OR6C68: variants seen among roughly 807,000 people sequenced by gnomAD.
The protein encoded by OR6C68 is olfactory receptor 6C68.
For synonymous variants in OR6C68, 161 were observed against 129.8 expected, an observed-to-expected ratio of 1.24 and a Z score of -1.63; for missense variants, 440 against 368.5, an observed-to-expected ratio of 1.19 and a Z score of -1.59.
Position 55,493,266 on chromosome 12 carries a change from C to T in OR6C68, c.889C>T (p.Gln297Ter), listed in dbSNP as rs750206001. 9 of 1,597,416 alleles carry T rather than the reference C, an allele frequency of 5.6e-6. No homozygotes were observed. The highest frequency in any genetic ancestry group is 6.8e-6 in the Non-Finnish European group (8 of 1,175,146). Reference protein sequence around the residue: ...IYTLRNEQVKQAFHDSLKKIA... With the variant: ...IYTLRNEQVK ...TACTCTTAGGAATGAGCAAGTTAAA[C>T]AAGCCTTTCATGACTCACTCAAAAA... The change falls in exon 1 of 1, where the codon CAA becomes TAA. Residue 297 changes from glutamine (Q) to a stop codon, truncating the protein, a stop_gained. Coordinates refer to ENST00000548615, the MANE Select transcript of OR6C68 (RefSeq NM_001005519.2). LOFTEE classifies it low-confidence loss of function (END_TRUNC).
chr12:55,493,163 A>C lies in OR6C68; in HGVS notation c.786A>C (p.Ala262=), dbSNP rs1565703400. The change falls in exon 1 of 1, where the codon GCA becomes GCC. Residue 262 remains alanine, a synonymous_variant. Transcript: ENST00000548615. ...SCIFIYIKPS[A]KEEVNINKGV... ...TCTTCATCTATATCAAGCCATCTGC[A>C]AAAGAAGAGGTAAACATTAATAAAG... The C allele has an allele frequency of 6.2e-7, 1 of 1,613,946 alleles. No homozygotes were observed. The highest frequency in any genetic ancestry group is 8.5e-7 in the Non-Finnish European group (1 of 1,179,962).
Position 55,492,786 on chromosome 12 carries a change from A to G in OR6C68, c.409A>G (p.Lys137Glu). ...GCATTATATGGCAATCATGAGCAACAAAGTGTGCAAAACAATGGTTATTTG... is the reference window on the plus strand; with the variant it reads ...GCATTATATGGCAATCATGAGCAACGAAGTGTGCAAAACAATGGTTATTTG... ...PLHYMAIMSNKVCKTMVICCW... is the reference protein window; with the variant it reads ...PLHYMAIMSNEVCKTMVICCW... Residue 137 changes from lysine to glutamate, a missense_variant, in exon 1 of 1, where the codon AAA becomes GAA. Lys to Glu is a moderately conservative substitution (Grantham distance 56). Coordinates refer to ENST00000548615, the MANE Select transcript of OR6C68 (RefSeq NM_001005519.2). The G allele has an allele frequency of 1.2e-6, 2 of 1,614,194 alleles. No individual in the cohort carries two copies. The highest frequency in any genetic ancestry group is 1.7e-6 in the Non-Finnish European group (2 of 1,180,008).
In OR6C68 at chr12:55,493,156, C is replaced by T. The variant is rs989363386; in HGVS notation, c.779C>T (p.Pro260Leu). The change falls in exon 1 of 1, where the codon CCA becomes CTA. Residue 260 changes from proline (P) to leucine (L), a missense_variant. Coordinates refer to ENST00000548615, the MANE Select transcript of OR6C68 (RefSeq NM_001005519.2). ...YGSCIFIYIKPSAKEEVNINK... is the reference protein window; with the variant it reads ...YGSCIFIYIKLSAKEEVNINK... ...AGCTGCATCTTCATCTATATCAAGC[C>T]ATCTGCAAAAGAAGAGGTAAACATT... 1.9e-6 allele frequency: 3 copies of T among 1,613,856 alleles called. No individual in the cohort carries two copies. Among genetic ancestry groups the T allele is most frequent in the African/African-American group, 1.3e-5 (1 of 75,022 alleles).
rs1349965436 is a variant in OR6C68 at position 55,492,568 on chromosome 12, T to A, written c.191T>A (p.Leu64Ter). 1 of 1,613,438 alleles carries A rather than the reference T, an allele frequency of 6.2e-7. No individual in the cohort carries two copies. Among genetic ancestry groups the A allele is most frequent in the Non-Finnish European group, 8.5e-7 (1 of 1,179,722 alleles). Residue 64 changes from leucine to a stop codon, truncating the protein, a stop_gained, in exon 1 of 1, where the codon TTA (leucine) becomes TAA (stop). Coordinates refer to ENST00000548615, the MANE Select transcript of OR6C68 (RefSeq NM_001005519.2). LOFTEE classifies it low-confidence loss of function (END_TRUNC). ...CCCATGTATTTTTTTCTCCAAAATT[T>A]ATCTTTCTTAGAAATCTCATTTACA... Reference protein sequence around the residue: ...KTPMYFFLQNLSFLEISFTAT... With the variant: ...KTPMYFFLQN
chr12:55,493,248 A>G lies in OR6C68; in HGVS notation c.871A>G (p.Arg291Gly). 1 of 1,602,520 alleles carries G rather than the reference A, an allele frequency of 6.2e-7. No individual in the cohort carries two copies. Among genetic ancestry groups the G allele is most frequent in the Non-Finnish European group, 8.5e-7 (1 of 1,176,968 alleles). ...GTTGAATTCTTTCATATATACTCTT[A>G]GGAATGAGCAAGTTAAACAAGCCTT... ...PMLNSFIYTL[R>G]NEQVKQAFHD... Residue 291 changes from arginine (R) to glycine (G), a missense_variant, in exon 1 of 1, where the codon AGG becomes GGG. Coordinates refer to ENST00000548615, the MANE Select transcript of OR6C68 (RefSeq NM_001005519.2).
At position 55,492,635 on chromosome 12, in the gene OR6C68, G is replaced by C. The variant is rs1408656325; in HGVS notation, c.258G>C (p.Gly86=). The C allele has an allele frequency of 6.2e-7, 1 of 1,613,504 alleles. No individual in the cohort carries two copies. Among genetic ancestry groups the C allele is most frequent in the Non-Finnish European group, 8.5e-7 (1 of 1,179,634 alleles). ...VPRFLYSIST[G]NKIITYNACV... is the part of the protein sequence containing the mutation. The stretch of plus-strand genomic sequence containing the variant: ...GATTCTTATACAGTATCTCAACTGG[G>C]AACAAAATAATAACGTATAATGCAT... The change falls in exon 1 of 1, where the codon GGG becomes GGC. Residue 86 remains glycine (G), a synonymous_variant. Transcript: ENST00000548615.
In OR6C68 at chr12:55,492,659, A is replaced by G. The variant is rs765129727; in HGVS notation, c.282A>G (p.Ala94=). 5.6e-6 allele frequency: 9 copies of G among 1,613,992 alleles called. No individual in the cohort carries two copies. In the African/African-American group the frequency reaches 1.1e-4, roughly 19 times the overall value. Residue 94 remains alanine, a synonymous_variant, in exon 1 of 1, where the codon GCA becomes GCG. Transcript: ENST00000548615. ...STGNKIITYN[A]CVIQLFFADL... is the part of the protein sequence containing the mutation. The stretch of plus-strand genomic sequence containing the variant: ...GGAACAAAATAATAACGTATAATGC[A>G]TGTGTCATTCAGCTATTTTTTGCAG...
At position 55,492,480 on chromosome 12, in the gene OR6C68, T is replaced by G; in HGVS notation, c.103T>G (p.Leu35Val). The G allele has an allele frequency of 6.2e-7, 1 of 1,613,536 alleles. No homozygotes were observed. The highest frequency in any genetic ancestry group is 8.5e-7 in the Non-Finnish European group (1 of 1,179,424). ...CATGTTTCTATTTATCACCTACATGTTGAGTGTAACAGGGAAACTGACCAT... is the reference window on the plus strand; with the variant it reads ...CATGTTTCTATTTATCACCTACATGGTGAGTGTAACAGGGAAACTGACCAT... ...LFMFLFITYMLSVTGKLTIIA... is the reference protein window; with the variant it reads ...LFMFLFITYMVSVTGKLTIIA... Residue 35 changes from leucine (L) to valine (V), a missense_variant, in exon 1 of 1, where the codon TTG (leucine) becomes GTG (valine). Leu to Val is a conservative substitution (Grantham distance 32). Coordinates refer to ENST00000548615, the MANE Select transcript of OR6C68 (RefSeq NM_001005519.2).
Position 55,492,458 on chromosome 12 carries a change from G to A in OR6C68, c.81G>A (p.Met27Ile). Residue 27 changes from methionine to isoleucine, a missense_variant, in exon 1 of 1, where the codon ATG (methionine) becomes ATA (isoleucine). Met to Ile is a conservative substitution (Grantham distance 10). Transcript: ENST00000548615. The stretch of plus-strand genomic sequence containing the variant: ...CTCAGCTGCAGGTTCTGCTTTTCAT[G>A]TTTCTATTTATCACCTACATGTTGA... Reference protein sequence around the residue: ...EDPQLQVLLFMFLFITYMLSV... With the variant: ...EDPQLQVLLFIFLFITYMLSV... 2 of 1,614,012 alleles carry A rather than the reference G, an allele frequency of 1.2e-6. No individual in the cohort carries two copies. The highest frequency in any genetic ancestry group is 1.7e-6 in the Non-Finnish European group (2 of 1,179,932).
chr12:55,492,686 C>G lies in OR6C68; in HGVS notation c.309C>G (p.Asp103Glu). The change falls in exon 1 of 1, where the codon GAC (aspartate) becomes GAG (glutamate). Residue 103 changes from aspartate (D) to glutamate (E), a missense_variant. Coordinates refer to ENST00000548615, the MANE Select transcript of OR6C68 (RefSeq NM_001005519.2). ...NACVIQLFFA[D>E]LFGVTEFFLL... ...GTGTCATTCAGCTATTTTTTGCAGACCTCTTTGGGGTAACTGAATTTTTTC... is the reference window on the plus strand; with the variant it reads ...GTGTCATTCAGCTATTTTTTGCAGAGCTCTTTGGGGTAACTGAATTTTTTC... The G allele has an allele frequency of 6.2e-7, 1 of 1,614,022 alleles. No individual in the cohort carries two copies. Among genetic ancestry groups the G allele is most frequent in the Non-Finnish European group, 8.5e-7 (1 of 1,179,960 alleles).
Position 55,493,007 on chromosome 12 carries a change from A to T in OR6C68, c.630A>T (p.Val210=), listed in dbSNP as rs773131812. The T allele has an allele frequency of 5.6e-6, 9 of 1,612,392 alleles. 1 individual carries two copies. The South Asian group carries it at 7.7e-5, about 14-fold the overall frequency. The change falls in exon 1 of 1, where the codon GTA becomes GTT. Residue 210 remains valine (V), a synonymous_variant. Transcript: ENST00000548615. ...SAVLTFIITL[V]CVVLSYTYII... is the part of the protein sequence containing the mutation. ...TATTAACCTTTATTATCACTCTTGTATGTGTAGTTCTGTCCTACACATATA... is the reference window on the plus strand; with the variant it reads ...TATTAACCTTTATTATCACTCTTGTTTGTGTAGTTCTGTCCTACACATATA...
In OR6C68 at chr12:55,492,675, T is replaced by C. The variant is rs148102806; in HGVS notation, c.298T>C (p.Phe100Leu). ...GTATAATGCATGTGTCATTCAGCTA[T>C]TTTTTGCAGACCTCTTTGGGGTAAC... The part of the protein sequence containing the change: ...ITYNACVIQL[F>L]FADLFGVTEF... The change falls in exon 1 of 1, where the codon TTT becomes CTT. Residue 100 changes from phenylalanine (F) to leucine (L), a missense_variant. Physicochemically the swap from Phe to Leu is conservative, Grantham distance 22. Transcript: ENST00000548615. 1.6e-4 allele frequency: 255 copies of C among 1,614,154 alleles called. No homozygotes were observed. The highest frequency in any genetic ancestry group is 1.9e-4 in the Non-Finnish European group (226 of 1,179,986).
Position 55,492,952 on chromosome 12 carries a change from T to C in OR6C68, c.575T>C (p.Leu192Ser), listed in dbSNP as rs1872530439. 1 of 1,612,450 alleles carries C rather than the reference T, an allele frequency of 6.2e-7. No homozygotes were observed. Among genetic ancestry groups the C allele is most frequent in the African/African-American group, 1.3e-5 (1 of 74,934 alleles). The change falls in exon 1 of 1, where the codon TTA (leucine) becomes TCA (serine). Residue 192 changes from leucine to serine, a missense_variant. Leu to Ser is a moderately radical substitution (Grantham distance 145). Coordinates refer to ENST00000548615, the MANE Select transcript of OR6C68 (RefSeq NM_001005519.2). ...ILKIPCSDTS[L>S]IEQMVVASAV... Reference sequence around the variant, plus strand: ...AAAATACCATGCTCAGACACATCATTAATTGAGCAGATGGTTGTAGCCTCT... The same window carrying C: ...AAAATACCATGCTCAGACACATCATCAATTGAGCAGATGGTTGTAGCCTCT...
chr12:55,492,938 C>T lies in OR6C68; in HGVS notation c.561C>T (p.Cys187=). 6.2e-7 allele frequency: 1 copy of T among 1,612,116 alleles called. No homozygotes were observed. Among genetic ancestry groups the T allele is most frequent in the Non-Finnish European group, 8.5e-7 (1 of 1,178,888 alleles). The change falls in exon 1 of 1, where the codon TGC becomes TGT. Residue 187 remains cysteine (C), a synonymous_variant. Coordinates refer to ENST00000548615, the MANE Select transcript of OR6C68 (RefSeq NM_001005519.2). ...CDALPILKIP[C]SDTSLIEQMV... is the part of the protein sequence containing the mutation. ...CATTGCCTATTCTGAAAATACCATGCTCAGACACATCATTAATTGAGCAGA... is the reference window on the plus strand; with the variant it reads ...CATTGCCTATTCTGAAAATACCATGTTCAGACACATCATTAATTGAGCAGA...
At position 55,492,854 on chromosome 12, in the gene OR6C68, C is replaced by A; in HGVS notation, c.477C>A (p.Ser159Arg). The part of the protein sequence containing the change: ...AALMIILPPL[S>R]LGFHLEFCDS... ...TTATGATTATCCTCCCACCACTTAG[C>A]TTAGGTTTTCATCTAGAATTCTGTG... is the stretch of plus-strand genomic sequence containing the variant. The change falls in exon 1 of 1, where the codon AGC (serine) becomes AGA (arginine). Residue 159 changes from serine to arginine, a missense_variant. Ser to Arg is a moderately radical substitution (Grantham distance 110). Coordinates refer to ENST00000548615, the MANE Select transcript of OR6C68 (RefSeq NM_001005519.2). The A allele has an allele frequency of 6.2e-7, 1 of 1,614,050 alleles. No homozygotes were observed. Among genetic ancestry groups the A allele is most frequent in the African/African-American group, 1.3e-5 (1 of 75,054 alleles).
chr12:55,492,691 T>C lies in OR6C68; in HGVS notation c.314T>C (p.Phe105Ser). ...ATTCAGCTATTTTTTGCAGACCTCT[T>C]TGGGGTAACTGAATTTTTTCTTTTG... The part of the protein sequence containing the change: ...CVIQLFFADL[F>S]GVTEFFLLAT... The change falls in exon 1 of 1, where the codon TTT (phenylalanine) becomes TCT (serine). Residue 105 changes from phenylalanine to serine, a missense_variant. Phe to Ser is a radical substitution (Grantham distance 155). Transcript: ENST00000548615. 6.2e-7 allele frequency: 1 copy of C among 1,614,102 alleles called. No homozygotes were observed. Among genetic ancestry groups the C allele is most frequent in the South Asian group, 1.1e-5 (1 of 91,078 alleles).
In OR6C68 at chr12:55,492,985, T is replaced by C. The variant is rs1258401621; in HGVS notation, c.608T>C (p.Leu203Ser). The C allele has an allele frequency of 1.4e-5, 23 of 1,612,176 alleles. No individual in the cohort carries two copies. The highest frequency in any genetic ancestry group is 1.6e-4 in the Middle Eastern group (1 of 6,078). Residue 203 changes from leucine (L) to serine (S), a missense_variant, in exon 1 of 1, where the codon TTA becomes TCA. Leu to Ser is a moderately radical substitution (Grantham distance 145). Coordinates refer to ENST00000548615, the MANE Select transcript of OR6C68 (RefSeq NM_001005519.2). ...CAGATGGTTGTAGCCTCTGCTGTAT[T>C]AACCTTTATTATCACTCTTGTATGT... ...IEQMVVASAV[L>S]TFIITLVCVV... is the part of the protein sequence containing the mutation.
chr12:55,493,311 A>G lies in OR6C68; in HGVS notation c.934A>G (p.Lys312Glu). The part of the protein sequence containing the change: ...SLKKIAFRLK[K>E] ...CAAAAAAATTGCATTTCGTTTAAAA[A>G]AGTAAAGTGTACCTAAGTTGATAAA... Residue 312 changes from lysine (K) to glutamate (E), a missense_variant, in exon 1 of 1, where the codon AAG becomes GAG. Transcript: ENST00000548615. The G allele has an allele frequency of 6.5e-7, 1 of 1,533,698 alleles. No individual in the cohort carries two copies. Among genetic ancestry groups the G allele is most frequent in the South Asian group, 1.2e-5 (1 of 81,066 alleles).
At position 55,492,676 on chromosome 12, in the gene OR6C68, T is replaced by A. The variant is rs1872521217; in HGVS notation, c.299T>A (p.Phe100Tyr). The change falls in exon 1 of 1, where the codon TTT becomes TAT. Residue 100 changes from phenylalanine to tyrosine, a missense_variant. By Grantham distance (22) the Phe-to-Tyr change is conservative. Transcript: ENST00000548615. ...ITYNACVIQL[F>Y]FADLFGVTEF... Reference sequence around the variant, plus strand: ...TATAATGCATGTGTCATTCAGCTATTTTTTGCAGACCTCTTTGGGGTAACT... The same window carrying A: ...TATAATGCATGTGTCATTCAGCTATATTTTGCAGACCTCTTTGGGGTAACT... The A allele has an allele frequency of 1.9e-6, 3 of 1,614,070 alleles. No homozygotes were observed. The highest frequency in any genetic ancestry group is 2.5e-6 in the Non-Finnish European group (3 of 1,179,998).
Sources: gnomAD v4.1 joint callset for allele counts on GRCh38, gnomAD v4.1.1 for gene constraint, MANE v1.5 for transcripts, NCBI Gene and HGNC (gene_info 2026-07-23, HGNC 2026-07-21) for gene names.